Variants in CDKN2B-AS1 observed in about 807,000 individuals in gnomAD.
The protein encoded by CDKN2B-AS1 is CDKN2B antisense RNA 1 (non-protein coding).
intron 4 of CDKN2B-AS1, among the ~76,000 whole-genome samples, chr9:22,126,632 G>A (rs1189336955): frequency 6.8e-6 from 1 of 146,300 alleles, no homozygotes; most frequent in African/African-American, 2.6e-5. Context: ...GACTGCAGTG[G>A]CGCTATCTCG....
rs746194820 is a variant in CDKN2B-AS1, at chr9:22,093,909, GC to G, written n.439-33192del. On this transcript the variant is annotated intron_variant and non_coding_transcript_variant, in intron 4 of 4. Transcript: ENST00000650946. ...CATTAGTTGATGAAGTTTCTTCCTA[GC>G]CTTGATGGTCTTTACAATTTGGCAT... 9.0e-4 allele frequency among the ~76,000 whole-genome samples: 130 copies of G among 144,680 alleles called. 8 individuals carry two copies. Among genetic ancestry groups the G allele is most frequent in the Admixed American group, 2.2e-3 (33 of 14,928 alleles). 94.9% of individuals were successfully genotyped at this position (144,680 alleles called of 152,430 possible).
At chr9:22,103,899 G>C (rs767682180) in intron 4 of CDKN2B-AS1, among the ~76,000 whole-genome samples, 1 of 152,154 alleles carries the variant, frequency 6.6e-6, no homozygotes, top group Non-Finnish European at 1.5e-5. Flanking sequence ...TTCCAGTGAC[G>C]GTTATTGCAA....
At chr9:22,008,008 A>G (rs1821281545) in intron 1 of CDKN2B-AS1, among the ~76,000 whole-genome samples, 1 of 152,168 alleles carries the variant, frequency 6.6e-6, no homozygotes, top group Non-Finnish European at 1.5e-5. Flanking sequence ...GCCAACGGTA[A>G]AGTACAAAAG....
intron 4 of CDKN2B-AS1, among the ~76,000 whole-genome samples, chr9:22,096,032 G>A (rs1016847438): frequency 6.6e-6 from 1 of 152,020 alleles, no homozygotes; most frequent in Non-Finnish European, 1.5e-5. Flanking sequence ...TCTCCCCCGT[G>A]GGTCAAATCT....
At chr9:22,110,258 G>A (rs945032719) in intron 4 of CDKN2B-AS1, among the ~76,000 whole-genome samples, 5 of 152,120 alleles carry the variant, frequency 3.3e-5, no homozygotes, top group African/African-American at 1.2e-4. Flanking sequence ...ATATTTGTCA[G>A]TATGAACATC....
intron 4 of CDKN2B-AS1, among the ~76,000 whole-genome samples, chr9:22,101,651 C>G (rs944081311): frequency 7.7e-5 from 11 of 142,736 alleles, no homozygotes; most frequent in Admixed American, 6.6e-4. Context: ...TTCATTGCAA[C>G]CCTAACCCTC....
intron 4 of CDKN2B-AS1, among the ~76,000 whole-genome samples, chr9:22,084,374 A>G (rs2131333611): frequency 6.6e-6 from 1 of 152,342 alleles, no homozygotes. Context: ...ATTATGTTTA[A>G]ATACAGAAAA....
intron 1 of CDKN2B-AS1, among the ~76,000 whole-genome samples, chr9:22,038,351 A>C (rs113244807): frequency 1.3e-5 from 2 of 151,914 alleles, no homozygotes; most frequent in African/African-American, 4.8e-5. Flanking sequence ...TTAATTATTT[A>C]CTCGTTTAAT....
intron 1 of CDKN2B-AS1, among the ~76,000 whole-genome samples, chr9:22,034,230 TA>T (rs1193650390): frequency 1.3e-5 from 2 of 152,216 alleles, no homozygotes; most frequent in Non-Finnish European, 2.9e-5. Flanking sequence ...TTCTGGTCTA[TA>T]AATTCACCCA....
chr9:22,088,114 G>A (rs966528101), intron 4 of CDKN2B-AS1, among the ~76,000 whole-genome samples: 1 of 152,112 alleles, frequency 6.6e-6, no homozygotes, highest in Non-Finnish European at 1.5e-5. Context: ...ATCATCTGGT[G>A]TGCTCTGTTT....
intron 1 of CDKN2B-AS1, chr9:22,008,554 A>G (rs1821307647): frequency 9.8e-7 from 1 of 1,021,156 alleles, no homozygotes; most frequent in Non-Finnish European, 1.4e-6. Flanking sequence ...TATTCCTTGC[A>G]TCTCTGATCA....
chr9:22,037,887 T>C (rs1490925666), intron 1 of CDKN2B-AS1, among the ~76,000 whole-genome samples: 1 of 152,026 alleles, frequency 6.6e-6, no homozygotes, highest in Non-Finnish European at 1.5e-5. Context: ...TATATGGGGC[T>C]TAGTTTTCAT....
At chr9:22,096,094 G>A (rs951466258) in intron 4 of CDKN2B-AS1, among the ~76,000 whole-genome samples, 4 of 152,096 alleles carry the variant, frequency 2.6e-5, no homozygotes, top group African/African-American at 9.7e-5. Context: ...AGGAGATAGG[G>A]GTAGGGAATT....
At chr9:22,082,297 A>G (rs774019284) in intron 4 of CDKN2B-AS1, among the ~76,000 whole-genome samples, 1 of 152,184 alleles carries the variant, frequency 6.6e-6, no homozygotes, top group Non-Finnish European at 1.5e-5. Flanking sequence ...ATTGCTCTTT[A>G]TATAACAGTA....
intron 1 of CDKN2B-AS1, among the ~76,000 whole-genome samples, chr9:22,013,166 A>G (rs538021571): frequency 6.6e-6 from 1 of 152,056 alleles, no homozygotes; most frequent in South Asian, 2.1e-4. Flanking sequence ...GTCAGATTGG[A>G]TTAGGGCCCA....
chr9:22,049,781 T>G (rs558225463), intron 3 of CDKN2B-AS1, among the ~76,000 whole-genome samples: 2 of 152,334 alleles, frequency 1.3e-5, no homozygotes, highest in East Asian at 3.9e-4. Context: ...ATAGATACTT[T>G]ACAAGATTGT....
rs5896965 is a variant in CDKN2B-AS1, at chr9:22,099,747, TA to T, written n.439-27348del. 8.1e-3 allele frequency among the ~76,000 whole-genome samples: 1,222 copies of T among 151,664 alleles called. 17 individuals are homozygous for T. The highest frequency in any genetic ancestry group is 0.028 in the African/African-American group (1,145 of 41,292). ...TCCTGATGTGGTATTAATTATTAAGTAAAAAAAAGGAATGTGCAGTACATAT... is the reference window on the plus strand; with the variant it reads ...TCCTGATGTGGTATTAATTATTAAGTAAAAAAAGGAATGTGCAGTACATAT... On this transcript the variant is annotated intron_variant and non_coding_transcript_variant, in intron 4 of 4. Coordinates refer to ENST00000650946, the Ensembl canonical transcript of CDKN2B-AS1.
intron 4 of CDKN2B-AS1, among the ~76,000 whole-genome samples, chr9:22,080,615 T>C (rs372357524): frequency 2.6e-5 from 4 of 152,272 alleles, no homozygotes; most frequent in Admixed American, 6.5e-5. Flanking sequence ...TGTGTGGTCC[T>C]GTGTTTTACC....
intron 1 of CDKN2B-AS1, chr9:22,004,867 CAG>C (rs1427458286): frequency 4.7e-5 from 11 of 233,076 alleles, no homozygotes; most frequent in Non-Finnish European, 9.3e-5. Context: ...AGGAAACAAT[CAG>C]AAAAATTTAA....
Sources: allele counts gnomAD v4.1 joint callset (sites outside exome capture counted in the v4.1 genomes callset), GRCh38; gene constraint gnomAD v4.1.1; transcripts MANE v1.5; gene names NCBI Gene and HGNC (gene_info 2026-07-23, HGNC 2026-07-21).